Variants in SNX27 observed in about 807,000 individuals in gnomAD.
SNX27 encodes the protein sorting nexin 27, also known as sorting nexin-27.
A neutral mutation model predicts 71.6 loss-of-function variants in SNX27; 22 were observed. The ratio of observed to expected loss-of-function variants is 0.31; its 90% CI spans 0.22 to 0.44. SNX27 has a LOEUF of 0.44. SNX27 is among the 20% of genes least tolerant of loss of function. The pLI is 1.00. For synonymous variants in SNX27, 269 were observed against 277.2 expected, an observed-to-expected ratio of 0.97 and a Z score of 0.29; for missense variants, 531 against 698.6, an observed-to-expected ratio of 0.76 and a Z score of 2.70.
At chr1:151,649,369 G>A (rs1669218775) in intron 2 of SNX27, among the ~76,000 whole-genome samples, 1 of 152,004 alleles carries the variant, frequency 6.6e-6, no homozygotes, top group African/African-American at 2.4e-5. Context: ...GATTGCTTGA[G>A]GCCAGGAGCT....
At chr1:151,693,540 A>G in intron 11 of SNX27, 57 bp downstream of exon 11, 2 of 1,612,712 alleles carry the variant, frequency 1.2e-6, no homozygotes, top group Non-Finnish European at 1.7e-6. Context: ...TTTAAAATTT[A>G]TAGGCCTGTG....
intron 7 of SNX27, among the ~76,000 whole-genome samples, chr1:151,680,781 C>T (rs537976893): frequency 1.3e-5 from 2 of 152,096 alleles, no homozygotes; most frequent in African/African-American, 2.4e-5. Flanking sequence ...TTATTTATTT[C>T]CCCCCTCTAC....
rs768030688 is a variant in SNX27, at chr1:151,692,469, A to G, written c.1274A>G (p.Asn425Ser). The G allele has an allele frequency of 1.5e-5, 24 of 1,595,266 alleles. 1 individual carries two copies. The African/African-American group carries it at 1.7e-4, about 12-fold the overall frequency. The change falls in exon 9 of 12, where the codon AAT becomes AGT. Residue 425 changes from asparagine (N) to serine (S), a missense_variant. Transcript: ENST00000458013. ...LNMLRTCEGY[N>S]EIIFPHCACD... ...ATGCTAAGGACTTGTGAGGGCTACA[A>G]TGAAATCATCTTTCCCCACTGTGCC...
chr1:151,658,158 C>G, intron 2 of SNX27, 77 bp from the exon 3 acceptor site: 1 of 1,373,596 alleles, frequency 7.3e-7, no homozygotes, highest in Non-Finnish European at 1.0e-6. Context: ...TAACCAATAT[C>G]ATCTAAGCCT....
intron 2 of SNX27, among the ~76,000 whole-genome samples, chr1:151,642,041 GAT>G (rs917355869): frequency 1.4e-5 from 2 of 147,450 alleles, no homozygotes; most frequent in African/African-American, 5.0e-5. Flanking sequence ...ATATATATCA[GAT>G]ATATATGATA....
chr1:151,664,713 G>A (rs1670114410), intron 5 of SNX27, among the ~76,000 whole-genome samples: 1 of 151,972 alleles, frequency 6.6e-6, no homozygotes, highest in Admixed American at 6.6e-5. Context: ...GTATTTTATG[G>A]CAAATGATAT....
Position 151,663,927 on chromosome 1 carries a change from C to A in SNX27, c.906+1657C>A, listed in dbSNP as rs111487370. Among the ~76,000 whole-genome samples, 115 of 152,096 alleles carry A rather than the reference C, an allele frequency of 7.6e-4. 1 individual carries two copies. The Middle Eastern group carries it at 0.01, about 14-fold the overall frequency. ...CAAAGTGCTGATTTTCTAATACTCT[C>A]ATTTCTTCCACCGATTAGCTAGAAT... is the stretch of plus-strand genomic sequence containing the variant. On this transcript the variant is annotated intron_variant, in intron 5 of 11. Transcript: ENST00000458013.
In SNX27 at chr1:151,651,015, A is replaced by C. The variant is rs370134812; in HGVS notation, c.544-7220A>C. ...CATGTCTACTTCTTTCTACACAGACACGGCAACCATCCGATTTCTCAATCT... is the reference window on the plus strand; with the variant it reads ...CATGTCTACTTCTTTCTACACAGACCCGGCAACCATCCGATTTCTCAATCT... On this transcript the variant is annotated intron_variant, in intron 2 of 11. Transcript: ENST00000458013. Among the ~76,000 whole-genome samples the C allele has an allele frequency of 8.9e-4, 135 of 152,216 alleles. 1 individual carries two copies. The highest frequency in any genetic ancestry group is 6.8e-3 in the Middle Eastern group (2 of 294).
Position 151,694,461 on chromosome 1 carries a change from C to G in SNX27, c.*44C>G. The G allele has an allele frequency of 6.6e-7, 1 of 1,524,848 alleles. No homozygotes were observed. 94.5% of individuals were successfully genotyped at this position (1,524,848 alleles called of 1,614,324 possible). A position where few individuals can be genotyped will look rare whatever the true frequency, so the allele number is the denominator to read the frequency against. On this transcript the variant is annotated 3_prime_UTR_variant, in exon 12 of 12. Transcript: ENST00000458013. ...CCTTCCCTTCACCCCCATCCTCTTA[C>G]TCCTTTCATGTCCCATTTCAGACAG...
intron 3 of SNX27, among the ~76,000 whole-genome samples, 178 bp downstream of exon 3, chr1:151,658,605 G>T (rs996198552): frequency 2.0e-5 from 3 of 152,300 alleles, no homozygotes; most frequent in South Asian, 2.1e-4. Flanking sequence ...ACAGTGATCA[G>T]TAGCCTGTTT....
chr1:151,643,804 G>T (rs11204864), intron 2 of SNX27, among the ~76,000 whole-genome samples: 3,484 of 152,058 alleles, frequency 0.023, 137 homozygotes, highest in African/African-American at 0.078. Flanking sequence ...GTGATTACAG[G>T]CATGTGCCAG....
intron 2 of SNX27, among the ~76,000 whole-genome samples, chr1:151,650,055 T>C (rs780546183): frequency 4.6e-5 from 7 of 151,936 alleles, no homozygotes; most frequent in Non-Finnish European, 8.8e-5. Flanking sequence ...ACCCGGCTAA[T>C]TTTTGTATTT....
chr1:151,689,904 G>A (rs1216497246), intron 8 of SNX27, among the ~76,000 whole-genome samples: 4 of 151,650 alleles, frequency 2.6e-5, no homozygotes, highest in South Asian at 2.1e-4. Context: ...GCTGGAGTGC[G>A]GTGGCACAAT....
chr1:151,687,902 C>G (rs563685091), intron 8 of SNX27, among the ~76,000 whole-genome samples: 1 of 148,126 alleles, frequency 6.8e-6, no homozygotes, highest in East Asian at 2.0e-4. Context: ...GAGCCGCGAT[C>G]GCGCCGCTCA....
chr1:151,697,163 G>A lies in SNX27; in HGVS notation c.*2746G>A, dbSNP rs1457278958. 6.6e-6 allele frequency: 1 copy of A among 152,142 alleles called. No homozygotes were observed. The highest frequency in any genetic ancestry group is 2.4e-5 in the African/African-American group (1 of 41,412). The allele number at this position is 152,142 out of a possible 1,614,324, so 9.4% of individuals were successfully genotyped here. ...AGAACTAACTTCTTTTGACTTAAAT[G>A]AATTTAAAATGAGCCAAAGGACCCT... On this transcript the variant is annotated 3_prime_UTR_variant, in exon 12 of 12. Coordinates refer to ENST00000458013, the MANE Select transcript of SNX27 (RefSeq NM_001330723.2).
intron 2 of SNX27, among the ~76,000 whole-genome samples, chr1:151,649,846 C>T (rs899655350): frequency 5.9e-5 from 9 of 152,110 alleles, no homozygotes; most frequent in Non-Finnish European, 8.8e-5. Context: ...GCTGGAACTA[C>T]AGGAATGTGC....
At position 151,612,626 on chromosome 1, in the gene SNX27, C is replaced by T. The variant is rs927872060; in HGVS notation, c.311+114C>T. Reference sequence around the variant, plus strand: ...CCTCCCCCGAGCTCCGAGCCGGCCTCCGGACCCCCGCCCCTCAGGCCTCCG... The same window carrying T: ...CCTCCCCCGAGCTCCGAGCCGGCCTTCGGACCCCCGCCCCTCAGGCCTCCG... On this transcript the variant is annotated intron_variant, in intron 1 of 11. Transcript: ENST00000458013. This position sits in a 1 kb window ranked among gnomAD's most constrained non-coding sequence, Gnocchi z 5.2. 3.2e-5 allele frequency: 27 copies of T among 835,980 alleles called. No individual in the cohort carries two copies. In the African/African-American group the frequency reaches 3.9e-4, roughly 12 times the overall value. The allele number at this position is 835,980 out of a possible 1,614,324, so 51.8% of individuals were successfully genotyped here. A position where few individuals can be genotyped will look rare whatever the true frequency, so the allele number is the denominator to read the frequency against.
intron 6 of SNX27, among the ~76,000 whole-genome samples, chr1:151,667,947 A>G (rs1670284249): frequency 6.6e-6 from 1 of 151,582 alleles, no homozygotes; most frequent in Non-Finnish European, 1.5e-5. Context: ...ATGTTAACTG[A>G]TCTGTGTCTT....
intron 1 of SNX27, among the ~76,000 whole-genome samples, chr1:151,627,341 C>A (rs1356592503): frequency 6.6e-6 from 1 of 152,180 alleles, no homozygotes; most frequent in South Asian, 2.1e-4. Flanking sequence ...CGAGTACCCT[C>A]GTGGAAAACA....
Sources: gnomAD v4.1 joint callset for allele counts (sites outside exome capture counted in the v4.1 genomes callset) on GRCh38, gnomAD v4.1.1 for gene constraint, Gnocchi (gnomAD v3.1) non-coding constraint, MANE v1.5 for transcripts, NCBI Gene and HGNC (gene_info 2026-07-23, HGNC 2026-07-21) for gene names.